Variants in DLGAP2 observed in about 807,000 individuals in gnomAD.
The protein encoded by DLGAP2 is DLG associated protein 2.
In DLGAP2, 26 loss-of-function variants were observed where a neutral mutation model predicts 100.3. The ratio of observed to expected loss-of-function variants is 0.26; its 90% CI spans 0.19 to 0.36. The LOEUF is 0.36. Ranked by LOEUF, DLGAP2 falls within the 10% of genes least tolerant of loss-of-function variation. DLGAP2 has a pLI of 1.00. For missense variants in DLGAP2, 1,858 were observed against 1,453.2 expected (o/e 1.28, Z -4.53); for synonymous variants, 886 against 630.1 (o/e 1.41, Z -6.08).
chr8:1,702,263 T>C lies in DLGAP2; in HGVS notation c.*857T>C, dbSNP rs1799595226. On this transcript the variant is annotated 3_prime_UTR_variant, in exon 15 of 15. Coordinates refer to ENST00000637795, the MANE Select transcript of DLGAP2 (RefSeq NM_001346810.2). ...ACTTAAAATACGACACCCAGTATTTTCTTTAAGTTTCACCATTTACGCTAC... is the reference window on the plus strand; with the variant it reads ...ACTTAAAATACGACACCCAGTATTTCCTTTAAGTTTCACCATTTACGCTAC... The C allele has an allele frequency of 6.6e-6, 1 of 152,250 alleles. No individual in the cohort carries two copies. Among genetic ancestry groups the C allele is most frequent in the South Asian group, 2.1e-4 (1 of 4,832 alleles). The allele number at this position is 152,250 out of a possible 1,614,324, so 9.4% of individuals were successfully genotyped here.
At chr8:1,498,631 C>A (rs1279281635) in intron 3 of DLGAP2, among the ~76,000 whole-genome samples, 1 of 152,264 alleles carries the variant, frequency 6.6e-6, no homozygotes, top group East Asian at 1.9e-4. Flanking sequence ...TCAGCACATA[C>A]GTTAAGCACA....
At chr8:801,703 G>C (rs1796155300) in intron 1 of DLGAP2, among the ~76,000 whole-genome samples, 1 of 152,106 alleles carries the variant, frequency 6.6e-6, no homozygotes, top group Non-Finnish European at 1.5e-5. Flanking sequence ...TTAGCCCACT[G>C]TGCCTTCCCA....
intron 13 of DLGAP2, 121 bp downstream of exon 13, chr8:1,691,747 C>T (rs1244636015): frequency 1.0e-5 from 9 of 874,066 alleles, no homozygotes; most frequent in African/African-American, 1.0e-4. Flanking sequence ...ATATCACGTG[C>T]ACTTACTACA....
intron 4 of DLGAP2, among the ~76,000 whole-genome samples, chr8:1,510,847 G>C (rs968831661): frequency 6.6e-6 from 1 of 152,192 alleles, no homozygotes; most frequent in Non-Finnish European, 1.5e-5. Context: ...CCTTGCATTT[G>C]ACACCTGAAA....
intron 6 of DLGAP2, among the ~76,000 whole-genome samples, chr8:1,600,643 C>T (rs935646771): frequency 6.6e-6 from 1 of 152,100 alleles, no homozygotes. Flanking sequence ...TTTCTGATAT[C>T]CTTTCTTCAT....
chr8:1,100,507 G>GGTGT (rs112136851), intron 2 of DLGAP2, among the ~76,000 whole-genome samples: 241 of 151,172 alleles, frequency 1.6e-3, no homozygotes, highest in Non-Finnish European at 2.9e-3. Flanking sequence ...TAGAGTTTGT[G>GGTGT]GTGTGTGTGT....
At chr8:1,508,260 C>T (rs1304774460) in intron 4 of DLGAP2, among the ~76,000 whole-genome samples, 2 of 150,656 alleles carry the variant, frequency 1.3e-5, no homozygotes, top group South Asian at 2.1e-4. Context: ...TGCCTGCTCC[C>T]GGGCTGCCCC....
intron 1 of DLGAP2, among the ~76,000 whole-genome samples, chr8:772,485 G>C (rs899307897): frequency 6.6e-6 from 1 of 152,020 alleles, no homozygotes; most frequent in Non-Finnish European, 1.5e-5. Context: ...ACCGTGTCTG[G>C]CTAATTTTTG....
At chr8:784,740 C>T (rs1355225373) in intron 1 of DLGAP2, among the ~76,000 whole-genome samples, 3 of 151,836 alleles carry the variant, frequency 2.0e-5, no homozygotes, top group Non-Finnish European at 4.4e-5. Context: ...ACCACACGGG[C>T]CCATGCCTGT....
At chr8:1,621,919 G>A (rs1563262287) in intron 6 of DLGAP2, 2 of 152,322 alleles carry the variant, frequency 1.3e-5, no homozygotes, top group East Asian at 1.9e-4. Context: ...TCAAAAATGT[G>A]CTGTTAGGGA....
intron 1 of DLGAP2, among the ~76,000 whole-genome samples, chr8:821,311 T>C (rs939733820): frequency 3.3e-5 from 5 of 152,196 alleles, no homozygotes; most frequent in Non-Finnish European, 7.3e-5. Context: ...TTTAAGGCTA[T>C]ATAAAGTGTA....
At chr8:782,523 G>A (rs1463632166) in intron 1 of DLGAP2, among the ~76,000 whole-genome samples, 2 of 152,050 alleles carry the variant, frequency 1.3e-5, no homozygotes, top group African/African-American at 4.8e-5. Flanking sequence ...ATCTCTACAT[G>A]TCAATATTTG....
chr8:809,662 G>C (rs535756121), intron 1 of DLGAP2, among the ~76,000 whole-genome samples: 1 of 152,284 alleles, frequency 6.6e-6, no homozygotes, highest in South Asian at 2.1e-4. Flanking sequence ...ACTGAAATTG[G>C]TGAAGAACGG....
At chr8:1,231,138 T>C (rs780577716) in intron 2 of DLGAP2, among the ~76,000 whole-genome samples, 2 of 152,004 alleles carry the variant, frequency 1.3e-5, no homozygotes, top group African/African-American at 2.4e-5. Flanking sequence ...ACTTAACAGT[T>C]GAACAAGCAA....
chr8:1,300,990 AC>A (rs1449544417), intron 3 of DLGAP2: 1 of 152,124 alleles, frequency 6.6e-6, no homozygotes, highest in Non-Finnish European at 1.5e-5. Flanking sequence ...GGGGCTCACC[AC>A]CCTCACATGC....
At position 1,269,932 on chromosome 8, in the gene DLGAP2, C is replaced by T. The variant is rs139216673; in HGVS notation, c.106+11049C>T. On this transcript the variant is annotated intron_variant, in intron 3 of 14. Transcript: ENST00000637795. ...TAAATCTTCATCTCCTCTTCATGGA[C>T]CGTGGAGAGGCACATGCAGAATCCT... Among the ~76,000 whole-genome samples the T allele has an allele frequency of 4.5e-4, 69 of 152,318 alleles. 1 individual carries two copies. The highest frequency in any genetic ancestry group is 1.3e-3 in the African/African-American group (54 of 41,552).
At chr8:1,036,373 C>T (rs553188832) in intron 2 of DLGAP2, among the ~76,000 whole-genome samples, 31 of 152,354 alleles carry the variant, frequency 2.0e-4, no homozygotes, top group African/African-American at 6.3e-4. Flanking sequence ...GACCCCCCGA[C>T]GTGTGGTGTG....
intron 4 of DLGAP2, among the ~76,000 whole-genome samples, chr8:1,521,905 G>T (rs1800612637): frequency 6.7e-6 from 1 of 149,694 alleles, no homozygotes; most frequent in Non-Finnish European, 1.5e-5. Context: ...TACTCGGGTG[G>T]CAGGTGATAT....
intron 3 of DLGAP2, among the ~76,000 whole-genome samples, chr8:1,299,280 C>T (rs145129917): frequency 0.017 from 2,646 of 152,342 alleles, 31 homozygotes; most frequent in South Asian, 0.033. Flanking sequence ...CGAGGCCACC[C>T]AGGGTGCCGC....
Sources: allele counts gnomAD v4.1 joint callset (sites outside exome capture counted in the v4.1 genomes callset), GRCh38; gene constraint gnomAD v4.1.1; transcripts MANE v1.5; gene names NCBI Gene and HGNC (gene_info 2026-07-23, HGNC 2026-07-21).